SLIT1: variants seen among roughly 807,000 people sequenced by gnomAD.
SLIT1 encodes slit guidance ligand 1, also known as slit homolog 1 protein.
SLIT1 carries 66 observed loss-of-function variants against 186.1 expected under a neutral mutation model. That is an observed-to-expected ratio of 0.35 (90% CI 0.29 to 0.44). The LOEUF (loss-of-function observed/expected upper bound fraction) is 0.44, where lower values mean the gene tolerates loss of function less well. SLIT1 is among the 20% of genes least tolerant of loss of function. SLIT1 has a pLI of 1.00. For synonymous variants in SLIT1, 761 were observed against 833.8 expected (o/e 0.91, Z 1.50); for missense variants, 1,638 against 2,037.4 (o/e 0.80, Z 3.77).
At chr10:97,179,711 C>G (rs1850305158) in intron 1 of SLIT1, among the ~76,000 whole-genome samples, 1 of 152,136 alleles carries the variant, frequency 6.6e-6, no homozygotes, top group African/African-American at 2.4e-5. Flanking sequence ...AGGTGCCCAA[C>G]AGCTGTCTGT....
intron 20 of SLIT1, among the ~76,000 whole-genome samples, 172 bp downstream of exon 20, chr10:97,042,729 C>G (rs1321264339): frequency 6.6e-6 from 1 of 152,164 alleles, no homozygotes; most frequent in Non-Finnish European, 1.5e-5. Flanking sequence ...AAAGACACCA[C>G]CAGGCAGGCG....
chr10:97,015,242 G>A (rs1293037180), intron 28 of SLIT1, among the ~76,000 whole-genome samples: 1 of 152,156 alleles, frequency 6.6e-6, no homozygotes, highest in Non-Finnish European at 1.5e-5. Context: ...TAGAAAGGTG[G>A]GCATGCTTCC....
In SLIT1 at chr10:97,056,332, G is replaced by A; in HGVS notation, c.1290C>T (p.Ala430=). The change falls in exon 13 of 37, where the codon GCC becomes GCT. Residue 430 remains alanine (A), a synonymous_variant. Transcript: ENST00000266058. ...LAKGTFTSLR[A]IQTLHLAQNP... ...ATCAGGGCACTCACAGAGTCTGGAT[G>A]GCCCGCAGGGAGGTGAAAGTGCCCT... The A allele has an allele frequency of 6.2e-7, 1 of 1,614,136 alleles. No homozygotes were observed.
chr10:97,140,309 G>T (rs1564685928), intron 4 of SLIT1, among the ~76,000 whole-genome samples: 3 of 152,050 alleles, frequency 2.0e-5, no homozygotes, highest in Admixed American at 2.0e-4. Flanking sequence ...CTGCCTCTTT[G>T]TTACCCTGCA....
chr10:97,159,817 C>T (rs1466145274), intron 3 of SLIT1, among the ~76,000 whole-genome samples: 4 of 152,160 alleles, frequency 2.6e-5, no homozygotes. Context: ...GCATTCGTGC[C>T]CTCACCCTCC....
intron 4 of SLIT1, among the ~76,000 whole-genome samples, chr10:97,096,660 C>G (rs1849293858): frequency 6.6e-6 from 1 of 152,156 alleles, no homozygotes; most frequent in Non-Finnish European, 1.5e-5. Context: ...GCCCACAGCA[C>G]AGCCCACCCG....
chr10:97,040,071 G>A lies in SLIT1; in HGVS notation c.2214C>T (p.Cys738=), dbSNP rs755859602. Residue 738 remains cysteine (C), a synonymous_variant, in exon 21 of 37, where the codon TGC becomes TGT. Transcript: ENST00000266058. ...ATCGGACCACGGTGTCCAGGCAGGC[G>A]CACTCCTGTGGGCACTGTGGGCGGG... ...CLPRPQCPQE[C]ACLDTVVRCS... The A allele has an allele frequency of 1.6e-5, 25 of 1,609,054 alleles. No individual in the cohort carries two copies. The highest frequency in any genetic ancestry group is 2.0e-5 in the Non-Finnish European group (23 of 1,177,736).
At chr10:97,171,680 G>A (rs1850190875) in intron 1 of SLIT1, among the ~76,000 whole-genome samples, 1 of 152,128 alleles carries the variant, frequency 6.6e-6, no homozygotes, top group Admixed American at 6.5e-5. Flanking sequence ...TTAGCCGGGT[G>A]TGGTGGCAGG....
At chr10:97,166,526 A>AAGAAGGAAG (rs397955164) in intron 1 of SLIT1, among the ~76,000 whole-genome samples, 2 of 40,096 alleles carry the variant, frequency 5.0e-5, no homozygotes, top group African/African-American at 1.4e-4. Context: ...CCAAAAAAAA[A>AAGAAGGAAG]GAAAGAAGGA....
At chr10:97,108,227 G>T (rs772957221) in intron 4 of SLIT1, among the ~76,000 whole-genome samples, 12 of 152,162 alleles carry the variant, frequency 7.9e-5, no homozygotes, top group Non-Finnish European at 1.5e-4. Flanking sequence ...CAGGGGAGGT[G>T]GGTAGGAGGG....
intron 25 of SLIT1, among the ~76,000 whole-genome samples, chr10:97,023,936 C>T (rs1394329935): frequency 6.6e-6 from 1 of 150,674 alleles, no homozygotes; most frequent in East Asian, 1.9e-4. Flanking sequence ...GACTGAAACT[C>T]AGTGGAAAAA....
At chr10:97,058,201 AC>A in intron 11 of SLIT1, 1 of 638,318 alleles carries the variant, frequency 1.6e-6, no homozygotes, top group African/African-American at 1.8e-5. Context: ...TTTCAGAAAC[AC>A]CCCTCAAGCT....
intron 22 of SLIT1, among the ~76,000 whole-genome samples, chr10:97,036,980 G>A (rs938163199): frequency 2.6e-5 from 4 of 151,994 alleles, no homozygotes; most frequent in Non-Finnish European, 4.4e-5. Context: ...GAGCTGGACC[G>A]AGAAGCTTTC....
At chr10:97,182,953 C>G (rs1262500055) in intron 1 of SLIT1, among the ~76,000 whole-genome samples, 1 of 150,544 alleles carries the variant, frequency 6.6e-6, no homozygotes, top group Non-Finnish European at 1.5e-5. Context: ...TAGCCAGATC[C>G]TCATCTCTAC....
intron 8 of SLIT1, among the ~76,000 whole-genome samples, chr10:97,062,199 A>G (rs1350721265): frequency 6.6e-6 from 1 of 152,110 alleles, no homozygotes. Context: ...TTTCGCACAC[A>G]GGCACACACA....
intron 25 of SLIT1, among the ~76,000 whole-genome samples, chr10:97,025,773 T>C (rs1046791791): frequency 6.6e-6 from 1 of 152,200 alleles, no homozygotes; most frequent in African/African-American, 2.4e-5. Flanking sequence ...GATCTGTTCA[T>C]GCCAAGGCCC....
chr10:97,159,414 C>G (rs1031768962), intron 3 of SLIT1, among the ~76,000 whole-genome samples: 6 of 152,170 alleles, frequency 3.9e-5, no homozygotes, highest in Non-Finnish European at 8.8e-5. Flanking sequence ...CTTAAAGCAA[C>G]AGGAGTAGAC....
intron 4 of SLIT1, among the ~76,000 whole-genome samples, chr10:97,083,112 AT>A (rs2134656077): frequency 6.6e-6 from 1 of 151,880 alleles, no homozygotes; most frequent in South Asian, 2.1e-4. Context: ...TTATTTATTT[AT>A]TTGTAGCAAA....
In SLIT1 at chr10:97,006,182, C is replaced by T. The variant is rs1848357945; in HGVS notation, c.3579+301G>A. Among the ~76,000 whole-genome samples the T allele has an allele frequency of 6.6e-6, 1 of 152,176 alleles. No homozygotes were observed. Among genetic ancestry groups the T allele is most frequent in the African/African-American group, 2.4e-5 (1 of 41,414 alleles). On this transcript the variant is annotated intron_variant, in intron 32 of 36. Transcript: ENST00000266058. The surrounding 1 kb of genome is among the most constrained non-coding windows in gnomAD (Gnocchi z 4.0). ...GCCTGTCTGCAGCACTGGAGGCAGA[C>T]ACTGAGGAGTAGCTGGGACAAGAAA... is the stretch of plus-strand genomic sequence containing the variant.
Sources: gnomAD v4.1 joint callset for allele counts (sites outside exome capture counted in the v4.1 genomes callset) on GRCh38, gnomAD v4.1.1 for gene constraint, Gnocchi (gnomAD v3.1) non-coding constraint, MANE v1.5 for transcripts, NCBI Gene and HGNC (gene_info 2026-07-23, HGNC 2026-07-21) for gene names.